The following SLC30A3 variants were observed in gnomAD, a reference collection of about 807,000 sequenced individuals.
The protein encoded by SLC30A3 is solute carrier family 30 member 3, also known as probable proton-coupled zinc antiporter SLC30A3.
A neutral mutation model predicts 35.6 loss-of-function variants in SLC30A3; 20 were observed. The observed-to-expected ratio is 0.56, with a 90% CI of 0.39 to 0.82. The LOEUF is 0.82. Among genes scored for constraint, SLC30A3 ranks in the 40% least tolerant of loss-of-function variants. The probability of loss-of-function intolerance (pLI) is 0.00; values close to 1 mark genes in which losing one functional copy is unlikely to be tolerated. For missense variants in SLC30A3, 401 were observed against 530.6 expected, an observed-to-expected ratio of 0.76 and a Z score of 2.40; for synonymous variants, 217 against 224.7, an observed-to-expected ratio of 0.97 and a Z score of 0.31.
chr2:27,258,594 C>A lies in SLC30A3; in HGVS notation c.277+159G>T. 1 of 811,872 alleles carries A rather than the reference C, an allele frequency of 1.2e-6. No homozygotes were observed. Among genetic ancestry groups the A allele is most frequent in the Non-Finnish European group, 1.9e-6 (1 of 513,574 alleles). The allele number at this position is 811,872 out of a possible 1,614,324, so 50.3% of individuals were successfully genotyped here. Reference sequence around the variant, plus strand: ...GCTGGAATTCCCTTTGTTGCTGTCCCTTATCCCTCCTACTTCCTGAGTCCT... The same window carrying A: ...GCTGGAATTCCCTTTGTTGCTGTCCATTATCCCTCCTACTTCCTGAGTCCT... On this transcript the variant is annotated intron_variant, in intron 2 of 7. Transcript: ENST00000233535. This position sits in a 1 kb window ranked among gnomAD's most constrained non-coding sequence, Gnocchi z 4.0.
chr2:27,273,493 G>C (rs1030336707), intron 1 of SLC30A3, among the ~76,000 whole-genome samples: 1 of 151,476 alleles, frequency 6.6e-6, no homozygotes, highest in East Asian at 1.9e-4. Context: ...TGTTCTGCTA[G>C]TTCTGTCCTC....
chr2:27,269,082 G>C (rs1677616768), intron 1 of SLC30A3, among the ~76,000 whole-genome samples: 1 of 151,838 alleles, frequency 6.6e-6, no homozygotes, highest in African/African-American at 2.4e-5. Context: ...AAAAGAATGA[G>C]TCTACAGTCT....
In SLC30A3 at chr2:27,262,959, C is replaced by T. The variant is rs2148136992; in HGVS notation, c.-53G>A. ...CCACCGAGGAAGAGAGAGGCCGGGC[C>T]GGCCCCGCGCCAAGTCCGAGCAGCC... On this transcript the variant is annotated 5_prime_UTR_variant, in exon 1 of 8. Coordinates refer to ENST00000233535, the MANE Select transcript of SLC30A3 (RefSeq NM_003459.5). This position sits in a 1 kb window ranked among gnomAD's most constrained non-coding sequence, Gnocchi z 7.5. The T allele has an allele frequency of 6.8e-7, 1 of 1,462,426 alleles. No homozygotes were observed. The highest frequency in any genetic ancestry group is 2.9e-5 in the East Asian group (1 of 34,210). 90.6% of individuals were successfully genotyped at this position (1,462,426 alleles called of 1,614,324 possible). A position where few individuals can be genotyped will look rare whatever the true frequency, so the allele number is the denominator to read the frequency against.
At chr2:27,267,662 C>A (rs565388472), upstream of SLC30A3, among the ~76,000 whole-genome samples, 4 of 152,026 alleles carry the variant, frequency 2.6e-5, no homozygotes, top group Non-Finnish European at 5.9e-5. Flanking sequence ...TGACTGGATG[C>A]GGTGGCTCAC....
chr2:27,257,270 G>C lies in SLC30A3; in HGVS notation c.661C>G (p.Pro221Ala). Residue 221 changes from proline to alanine, a missense_variant, in exon 5 of 8, where the codon CCT becomes GCT. Transcript: ENST00000233535. The surrounding 1 kb of genome is among the most constrained non-coding windows in gnomAD (Gnocchi z 4.7). Reference sequence around the variant, plus strand: ...TTCCCCAGGGGCAGGGGCTCTTCAGGCCCCTCCTCCAGCGGTGCATACTCT... The same window carrying C: ...TTCCCCAGGGGCAGGGGCTCTTCAGCCCCCTCCTCCAGCGGTGCATACTCT... ...GAEYAPLEEG[P>A]EEPLPLGNTS... 6.2e-7 allele frequency: 1 copy of C among 1,614,040 alleles called. No homozygotes were observed. The highest frequency in any genetic ancestry group is 1.1e-5 in the South Asian group (1 of 91,082).
upstream of SLC30A3, chr2:27,263,169 C>A: frequency 1.6e-6 from 2 of 1,241,902 alleles, no homozygotes; most frequent in Non-Finnish European, 2.1e-6. Context: ...GCCCCGCCCC[C>A]ACTGCCAAAG....
chr2:27,268,341 A>G (rs996894262), intron 1 of SLC30A3, among the ~76,000 whole-genome samples: 11 of 152,248 alleles, frequency 7.2e-5, no homozygotes, highest in African/African-American at 2.7e-4. Context: ...ATATTTGTTG[A>G]GTAAGTGAAT....
In SLC30A3 at chr2:27,255,175, G is replaced by C; in HGVS notation, c.*137C>G. 1 of 1,592,020 alleles carries C rather than the reference G, an allele frequency of 6.3e-7. No homozygotes were observed. The highest frequency in any genetic ancestry group is 1.7e-5 in the Admixed American group (1 of 58,506). On this transcript the variant is annotated 3_prime_UTR_variant, in exon 8 of 8. Transcript: ENST00000233535. The surrounding 1 kb of genome is among the most constrained non-coding windows in gnomAD (Gnocchi z 5.2). The stretch of plus-strand genomic sequence containing the variant: ...GGCTGGGGCTGGGGCTGAGGCTGGG[G>C]AAACTGGCAGGTGGTAGGAGGGAGA...
chr2:27,259,352 GT>G (rs1469969077), intron 1 of SLC30A3, among the ~76,000 whole-genome samples: 1 of 152,202 alleles, frequency 6.6e-6, no homozygotes, highest in Non-Finnish European at 1.5e-5. Flanking sequence ...AATTAGCTGG[GT>G]GTGGTGGCAC....
In SLC30A3 at chr2:27,254,838, G is replaced by A. The variant is rs957246550; in HGVS notation, c.*474C>T. ...GGGCTAAGACACACGGACAAAGTGC[G>A]GGCTTTGGGGCCCCTGCATAGACAG... On this transcript the variant is annotated 3_prime_UTR_variant, in exon 8 of 8. Transcript: ENST00000233535. 2.7e-5 allele frequency: 8 copies of A among 295,278 alleles called. No individual in the cohort carries two copies. The highest frequency in any genetic ancestry group is 8.9e-5 in the African/African-American group (4 of 44,848). 18.3% of individuals were successfully genotyped at this position (295,278 alleles called of 1,614,324 possible).
intron 1 of SLC30A3, among the ~76,000 whole-genome samples, chr2:27,273,771 G>A (rs1020657077): frequency 2.0e-5 from 3 of 150,126 alleles, no homozygotes; most frequent in East Asian, 2.0e-4. Context: ...GGTTCTTGAG[G>A]TGGAATACTG....
chr2:27,256,289 A>T (rs1277259625), intron 7 of SLC30A3, 97 bp downstream of exon 7: 1 of 1,430,626 alleles, frequency 7.0e-7, no homozygotes, highest in East Asian at 2.3e-5. Context: ...AGACAGATCA[A>T]AAAAGACTGA....
intron 1 of SLC30A3, among the ~76,000 whole-genome samples, chr2:27,270,668 G>C (rs944480203): frequency 6.6e-6 from 1 of 152,182 alleles, no homozygotes; most frequent in Non-Finnish European, 1.5e-5. Context: ...CCAGTTTACA[G>C]GTAAGACAGG....
In SLC30A3 at chr2:27,258,532, A is replaced by G. The variant is rs1572473183; in HGVS notation, c.277+221T>C. On this transcript the variant is annotated intron_variant, in intron 2 of 7. Transcript: ENST00000233535. The surrounding 1 kb of genome is among the most constrained non-coding windows in gnomAD (Gnocchi z 4.0). ...TAATAACAAGAAAATAGGGTTTTTA[A>G]AAGAAGTCAGCCCTGACCTACTGGC... 1 of 658,772 alleles carries G rather than the reference A, an allele frequency of 1.5e-6. No individual in the cohort carries two copies. The highest frequency in any genetic ancestry group is 2.9e-5 in the East Asian group (1 of 34,376). 40.8% of individuals were successfully genotyped at this position (658,772 alleles called of 1,614,324 possible). A position where few individuals can be genotyped will look rare whatever the true frequency, so the allele number is the denominator to read the frequency against.
intron 1 of SLC30A3, among the ~76,000 whole-genome samples, chr2:27,273,827 C>T (rs540494649): frequency 2.0e-5 from 3 of 151,792 alleles, no homozygotes; most frequent in Non-Finnish European, 4.4e-5. Context: ...CTACCCAGTG[C>T]TGGGGAAGAA....
At chr2:27,263,840 G>A (rs1379937612), upstream of SLC30A3, among the ~76,000 whole-genome samples, 1 of 145,988 alleles carries the variant, frequency 6.8e-6, no homozygotes, top group Non-Finnish European at 1.5e-5. Flanking sequence ...CAGTGAAGTC[G>A]AGCCGCCTAT....
At chr2:27,270,913 G>C (rs1677703246) in intron 1 of SLC30A3, among the ~76,000 whole-genome samples, 1 of 152,178 alleles carries the variant, frequency 6.6e-6, no homozygotes, top group African/African-American at 2.4e-5. Context: ...TCACCCATGA[G>C]AGGATGTGAA....
upstream of SLC30A3, among the ~76,000 whole-genome samples, chr2:27,267,549 T>G (rs561076127): frequency 5.5e-4 from 83 of 152,210 alleles, no homozygotes; most frequent in African/African-American, 1.9e-3. Flanking sequence ...TGTAATGCAC[T>G]CTGCCAGATG....
chr2:27,264,367 C>T (rs1222718210), upstream of SLC30A3, among the ~76,000 whole-genome samples: 1 of 152,158 alleles, frequency 6.6e-6, no homozygotes, highest in Non-Finnish European at 1.5e-5. This position sits in a 1 kb window ranked among gnomAD's most constrained non-coding sequence, Gnocchi z 6.1. Context: ...AAAACAAAAA[C>T]GGGAGCACGT....
Sources: allele counts gnomAD v4.1 joint callset (sites outside exome capture counted in the v4.1 genomes callset), GRCh38; gene constraint gnomAD v4.1.1; non-coding constraint Gnocchi (gnomAD v3.1); transcripts MANE v1.5; gene names NCBI Gene and HGNC (gene_info 2026-07-23, HGNC 2026-07-21).